Variants in NRG1 observed in about 807,000 individuals in gnomAD.
NRG1 encodes pro-neuregulin-1, membrane-bound isoform.
Under a neutral mutation model 63.8 loss-of-function variants are expected in NRG1, and 18 were observed. The observed-to-expected ratio is 0.28, with a 90% CI of 0.19 to 0.42. NRG1 has a LOEUF of 0.42. NRG1 is among the 10% of genes least tolerant of loss of function. The pLI is 1.00. For synonymous variants in NRG1, 302 were observed against 301.3 expected, an observed-to-expected ratio of 1.00 and a Z score of -0.02; for missense variants, 762 against 814.7, an observed-to-expected ratio of 0.94 and a Z score of 0.79.
exon 10 of NRG1, chr8:32,759,314 A>G: frequency 6.2e-7 from 1 of 1,613,688 alleles, no homozygotes; most frequent in Non-Finnish European, 8.5e-7. Context: ...AGCAATACGT[A>G]TCTAAAAACG....
chr8:32,718,459 GT>G (rs1446219022), intron 5 of NRG1, among the ~76,000 whole-genome samples: 1 of 152,050 alleles, frequency 6.6e-6, no homozygotes, highest in Admixed American at 6.6e-5. Context: ...TCATCTCCAT[GT>G]TTTCCCGTTC....
intron 8 of NRG1, among the ~76,000 whole-genome samples, chr8:32,755,378 C>T (rs572884176): frequency 4.9e-4 from 75 of 152,206 alleles, no homozygotes; most frequent in African/African-American, 1.8e-3. Flanking sequence ...CTGAATGTTG[C>T]ATTGAGGAAG....
At chr8:32,140,499 G>C (rs960546833) in intron 1 of NRG1, among the ~76,000 whole-genome samples, 45 of 148,532 alleles carry the variant, frequency 3.0e-4, no homozygotes, top group African/African-American at 1.1e-3. Flanking sequence ...ACCTCACTCT[G>C]TTGCCCATCC....
At chr8:31,973,612 T>G (rs1463076584) in intron 1 of NRG1, among the ~76,000 whole-genome samples, 3 of 152,174 alleles carry the variant, frequency 2.0e-5, no homozygotes, top group African/African-American at 7.2e-5. Context: ...CCAAGTCCAG[T>G]CCTCTTTTAA....
chr8:32,016,558 C>T (rs1312526536), intron 1 of NRG1, among the ~76,000 whole-genome samples: 1 of 152,038 alleles, frequency 6.6e-6, no homozygotes, highest in African/African-American at 2.4e-5. Flanking sequence ...ATATTAAAAA[C>T]ATAGCAGGCA....
chr8:32,224,325 A>G (rs1160902214), intron 1 of NRG1, among the ~76,000 whole-genome samples: 1 of 152,154 alleles, frequency 6.6e-6, no homozygotes, highest in East Asian at 1.9e-4. Flanking sequence ...GTTTTGCAGT[A>G]CAGCTCCACC....
chr8:32,064,382 CAA>C (rs2130942571), intron 1 of NRG1, among the ~76,000 whole-genome samples: 1 of 152,216 alleles, frequency 6.6e-6, no homozygotes, highest in South Asian at 2.1e-4. Context: ...ATTTGGCTGT[CAA>C]AACCATTTGT....
chr8:31,698,103 A>C (rs1289092840), intron 1 of NRG1, among the ~76,000 whole-genome samples: 1 of 152,126 alleles, frequency 6.6e-6, no homozygotes, highest in African/African-American at 2.4e-5. Context: ...CTGTCACTAC[A>C]GTGCTTTGGG....
At chr8:32,119,249 C>A (rs1160028029) in intron 1 of NRG1, among the ~76,000 whole-genome samples, 1 of 152,092 alleles carries the variant, frequency 6.6e-6, no homozygotes, top group Non-Finnish European at 1.5e-5. Context: ...GAAATCAGTA[C>A]TTTGTCTTCA....
chr8:31,847,038 A>G (rs1424398287), intron 1 of NRG1, among the ~76,000 whole-genome samples: 3 of 152,310 alleles, frequency 2.0e-5, no homozygotes, highest in South Asian at 2.1e-4. Flanking sequence ...AAGTTCTGCT[A>G]CCTAAAGGAA....
chr8:32,051,931 T>C (rs1822041449), intron 1 of NRG1, among the ~76,000 whole-genome samples: 1 of 152,126 alleles, frequency 6.6e-6, no homozygotes. Flanking sequence ...GTTGAGACAT[T>C]AAAATAGTAG....
At chr8:32,275,238 A>G (rs74756526) in intron 1 of NRG1, among the ~76,000 whole-genome samples, 1,987 of 152,284 alleles carry the variant, frequency 0.013, 45 homozygotes, top group African/African-American at 0.044. Context: ...CCATTCAGTC[A>G]ACAGTGATTT....
chr8:32,743,441 A>G (rs1242620086), intron 7 of NRG1, among the ~76,000 whole-genome samples: 2 of 151,722 alleles, frequency 1.3e-5, no homozygotes, highest in African/African-American at 4.8e-5. Flanking sequence ...GTAACTTAGA[A>G]TAAAATAGTT....
intron 1 of NRG1, among the ~76,000 whole-genome samples, chr8:31,715,849 G>A (rs969401478): frequency 2.0e-5 from 3 of 152,112 alleles, no homozygotes; most frequent in African/African-American, 2.4e-5. Context: ...CAGTCTTCTA[G>A]GTATCAAAGG....
At chr8:32,689,031 A>G (rs1243172360) in intron 5 of NRG1, among the ~76,000 whole-genome samples, 1 of 152,196 alleles carries the variant, frequency 6.6e-6, no homozygotes, top group Admixed American at 6.5e-5. Flanking sequence ...TGCTGCAGCC[A>G]AGAAAAGCAA....
intron 1 of NRG1, among the ~76,000 whole-genome samples, chr8:32,338,988 A>G (rs1179389093): frequency 6.6e-6 from 1 of 152,200 alleles, no homozygotes; most frequent in Non-Finnish European, 1.5e-5. Flanking sequence ...AAACAGGATA[A>G]GGAATAGATC....
At chr8:32,228,574 G>T (rs193222731) in intron 1 of NRG1, among the ~76,000 whole-genome samples, 2 of 152,228 alleles carry the variant, frequency 1.3e-5, no homozygotes, top group Admixed American at 1.3e-4. Context: ...ACATGTGAGT[G>T]TGATACAGAA....
chr8:32,119,147 T>C (rs1833116680), intron 1 of NRG1, among the ~76,000 whole-genome samples: 1 of 152,100 alleles, frequency 6.6e-6, no homozygotes, highest in African/African-American at 2.4e-5. Context: ...AAGGTTCTAT[T>C]ATTTAATAGG....
chr8:32,660,475 A>C (rs1177860017), intron 5 of NRG1, among the ~76,000 whole-genome samples: 2 of 152,198 alleles, frequency 1.3e-5, no homozygotes, highest in Non-Finnish European at 2.9e-5. Context: ...AGTCATTACA[A>C]ACTTTGTTGA....
Sources: gnomAD v4.1 joint callset for allele counts (sites outside exome capture counted in the v4.1 genomes callset) on GRCh38, gnomAD v4.1.1 for gene constraint, MANE v1.5 for transcripts, NCBI Gene and HGNC (gene_info 2026-07-23, HGNC 2026-07-21) for gene names.